PXDNL: variants seen among roughly 807,000 people sequenced by gnomAD.
The protein encoded by PXDNL is probable oxidoreductase PXDNL.
PXDNL carries 145 observed loss-of-function variants against 150.8 expected under a neutral mutation model. That is an observed-to-expected ratio of 0.96 (90% CI 0.84 to 1.10). PXDNL has a LOEUF of 1.10. Ranked by LOEUF, PXDNL falls within the 50% of genes least tolerant of loss-of-function variation. The probability of loss-of-function intolerance (pLI) is 0.00; values close to 1 mark genes in which losing one functional copy is unlikely to be tolerated. For synonymous variants in PXDNL, 757 were observed against 725.7 expected, an observed-to-expected ratio of 1.04 and a Z score of -0.69; for missense variants, 2,087 against 1,873.9, an observed-to-expected ratio of 1.11 and a Z score of -2.10.
chr8:51,451,581 G>A (rs1189307843), intron 10 of PXDNL, among the ~76,000 whole-genome samples: 2 of 152,162 alleles, frequency 1.3e-5, no homozygotes, highest in African/African-American at 2.4e-5. Context: ...GACTTACACT[G>A]TTGATGACCA....
intron 1 of PXDNL, among the ~76,000 whole-genome samples, chr8:51,734,774 G>T (rs565167889): frequency 6.6e-6 from 1 of 152,276 alleles, no homozygotes; most frequent in South Asian, 2.1e-4. Flanking sequence ...GCATGCAGCT[G>T]CTGAGACTCA....
intron 1 of PXDNL, among the ~76,000 whole-genome samples, chr8:51,801,912 T>C (rs983002332): frequency 1.3e-5 from 2 of 152,218 alleles, no homozygotes; most frequent in Non-Finnish European, 2.9e-5. Flanking sequence ...TCTCAAACCA[T>C]GCATGTAGGC....
intron 2 of PXDNL, among the ~76,000 whole-genome samples, chr8:51,614,184 C>T (rs1012136109): frequency 1.3e-5 from 2 of 152,224 alleles, no homozygotes; most frequent in African/African-American, 4.8e-5. Flanking sequence ...ACCAGTCATT[C>T]TCTTATAATT....
At chr8:51,650,101 CAAAAA>C (rs11451376) in intron 2 of PXDNL, among the ~76,000 whole-genome samples, 2 of 113,332 alleles carry the variant, frequency 1.8e-5, no homozygotes, top group Admixed American at 2.0e-4. Flanking sequence ...GACTTTGTCT[CAAAAA>C]AAAAAAAAAA....
At chr8:51,690,105 G>A (rs996591422) in intron 1 of PXDNL, among the ~76,000 whole-genome samples, 32 of 152,138 alleles carry the variant, frequency 2.1e-4, no homozygotes, top group Non-Finnish European at 4.3e-4. Context: ...ACACAACTGC[G>A]TTTGGATTGT....
intron 1 of PXDNL, among the ~76,000 whole-genome samples, chr8:51,750,539 A>G (rs1457318297): frequency 6.6e-6 from 1 of 151,828 alleles, no homozygotes; most frequent in Non-Finnish European, 1.5e-5. Context: ...CCACTGTCAT[A>G]TACACTGTCC....
At position 51,408,545 on chromosome 8, in the gene PXDNL, T is replaced by C. The variant is rs1369219442; in HGVS notation, c.3079A>G (p.Thr1027Ala). The C allele has an allele frequency of 1.9e-6, 3 of 1,613,218 alleles. No homozygotes were observed. Among genetic ancestry groups the C allele is most frequent in the Non-Finnish European group, 2.5e-6 (3 of 1,179,610 alleles). Residue 1027 changes from threonine to alanine, a missense_variant, in exon 17 of 23, where the codon ACT (threonine) becomes GCT (alanine). Transcript: ENST00000356297. ...WLPKVLGDPGTRMLRGYRGYN... is the reference protein window; with the variant it reads ...WLPKVLGDPGARMLRGYRGYN... ...CCTCGGTAACCCCTCAGCATCCTAGTGCCAGGGTCCCCCAGGACCTTAGGC... is the reference window on the plus strand; with the variant it reads ...CCTCGGTAACCCCTCAGCATCCTAGCGCCAGGGTCCCCCAGGACCTTAGGC...
chr8:51,762,380 C>T (rs913305226), intron 1 of PXDNL, among the ~76,000 whole-genome samples: 2 of 152,152 alleles, frequency 1.3e-5, no homozygotes, highest in Non-Finnish European at 2.9e-5. Flanking sequence ...TTCCTTCCTT[C>T]CTAGATCCAG....
intron 2 of PXDNL, among the ~76,000 whole-genome samples, chr8:51,616,535 T>C: frequency 6.6e-6 from 1 of 152,224 alleles, no homozygotes. Context: ...TGGGTATCTG[T>C]GAGGCATTGG....
At chr8:51,353,288 T>C (rs1806407353) in intron 19 of PXDNL, among the ~76,000 whole-genome samples, 1 of 151,618 alleles carries the variant, frequency 6.6e-6, no homozygotes, top group African/African-American at 2.4e-5. Context: ...ATTCCACTTA[T>C]ATCTTTATTC....
At chr8:51,423,277 A>G (rs1809004284) in intron 14 of PXDNL, among the ~76,000 whole-genome samples, 4 of 152,238 alleles carry the variant, frequency 2.6e-5, no homozygotes, top group Non-Finnish European at 1.5e-5. Flanking sequence ...CATTTTGGCT[A>G]TAAATACATC....
intron 1 of PXDNL, among the ~76,000 whole-genome samples, chr8:51,719,102 C>A (rs561654048): frequency 2.6e-5 from 4 of 152,144 alleles, no homozygotes; most frequent in Admixed American, 6.5e-5. Flanking sequence ...CCGGCCGCCC[C>A]TTCTAGGAAG....
chr8:51,533,747 G>A (rs1312963986), intron 4 of PXDNL, among the ~76,000 whole-genome samples: 1 of 150,568 alleles, frequency 6.6e-6, no homozygotes, highest in Non-Finnish European at 1.5e-5. Context: ...TCGGCCTCCC[G>A]AGGTGCCGGG....
Position 51,449,097 on chromosome 8 carries a change from G to A in PXDNL, c.1271C>T (p.Thr424Ile). ...TTCCAGCACCACTTGATCCTTGGGG[G>A]TTACTGTAAATTGTGGAGGAGCTAA... is the stretch of plus-strand genomic sequence containing the variant. ...IVQAPPQFTV[T>I]PKDQVVLEEH... Residue 424 changes from threonine to isoleucine, a missense_variant, in exon 11 of 23, where the codon ACC becomes ATC. By Grantham distance (89) the Thr-to-Ile change is moderately conservative. Transcript: ENST00000356297. 1.9e-6 allele frequency: 3 copies of A among 1,549,678 alleles called. No homozygotes were observed. The highest frequency in any genetic ancestry group is 2.6e-6 in the Non-Finnish European group (3 of 1,145,640).
intron 12 of PXDNL, among the ~76,000 whole-genome samples, chr8:51,442,496 GT>G (rs1319268771): frequency 1.3e-5 from 2 of 151,742 alleles, no homozygotes; most frequent in South Asian, 2.1e-4. Context: ...TAGCTAATGA[GT>G]TCAGTAGACC....
intron 1 of PXDNL, among the ~76,000 whole-genome samples, chr8:51,762,410 C>G (rs114913410): frequency 0.055 from 8,416 of 152,154 alleles, 264 homozygotes; most frequent in African/African-American, 0.085. Flanking sequence ...AACTAAGAGC[C>G]AGGCAAGCTT....
intron 1 of PXDNL, among the ~76,000 whole-genome samples, chr8:51,755,879 AT>A (rs1286618153): frequency 3.3e-5 from 5 of 152,284 alleles, no homozygotes; most frequent in Non-Finnish European, 5.9e-5. Context: ...CAATAAAATT[AT>A]TTTTAGGCGA....
chr8:51,731,045 C>G (rs531717410), intron 1 of PXDNL, among the ~76,000 whole-genome samples: 1 of 152,282 alleles, frequency 6.6e-6, no homozygotes, highest in African/African-American at 2.4e-5. Context: ...ATCTCATGTT[C>G]TCACATTTCA....
At chr8:51,444,919 T>TA (rs1809640965) in intron 12 of PXDNL, among the ~76,000 whole-genome samples, 1 of 151,816 alleles carries the variant, frequency 6.6e-6, no homozygotes, top group South Asian at 2.1e-4. Context: ...TTCTATTTTT[T>TA]TTTTCAACAT....
Sources: gnomAD v4.1 joint callset for allele counts (sites outside exome capture counted in the v4.1 genomes callset) on GRCh38, gnomAD v4.1.1 for gene constraint, MANE v1.5 for transcripts, NCBI Gene and HGNC (gene_info 2026-07-23, HGNC 2026-07-21) for gene names.